IL1RAPL2: variants seen among roughly 807,000 people sequenced by gnomAD.
IL1RAPL2 encodes the protein interleukin 1 receptor accessory protein like 2, also known as X-linked interleukin-1 receptor accessory protein-like 2.
In IL1RAPL2, 3 loss-of-function variants were observed where a neutral mutation model predicts 44.1. The ratio of observed to expected loss-of-function variants is 0.07; its 90% CI spans 0.03 to 0.18. The LOEUF is 0.18. IL1RAPL2 is among the 10% of genes least tolerant of loss of function. IL1RAPL2 has a pLI of 1.00. For missense variants in IL1RAPL2, 391 were observed against 496.4 expected, an observed-to-expected ratio of 0.79 and a Z score of 2.02; for synonymous variants, 181 against 178.8, an observed-to-expected ratio of 1.01 and a Z score of -0.10.
intron 6 of IL1RAPL2, among the ~76,000 whole-genome samples, chrX:105,491,339 C>G (rs975225121): frequency 9.0e-6 from 1 of 111,437 alleles, no homozygotes; most frequent in African/African-American, 3.3e-5. Flanking sequence ...ATTGTTAATG[C>G]AAATAGTAAT....
intron 5 of IL1RAPL2, among the ~76,000 whole-genome samples, chrX:105,275,289 C>G (rs1445511482): frequency 9.0e-6 from 1 of 110,992 alleles, no homozygotes; most frequent in Non-Finnish European, 1.9e-5. Flanking sequence ...ATATTCCCAG[C>G]CCCCAAAGCA....
At chrX:104,929,522 C>T (rs753084921) in intron 2 of IL1RAPL2, among the ~76,000 whole-genome samples, 1 of 111,785 alleles carries the variant, frequency 8.9e-6, no homozygotes, top group East Asian at 2.8e-4. Flanking sequence ...CCTCAAGTGT[C>T]ACTTGAGCAG....
chrX:104,983,614 A>T, intron 2 of IL1RAPL2, among the ~76,000 whole-genome samples: 1 of 38,303 alleles, frequency 2.6e-5, no homozygotes, highest in South Asian at 7.4e-4. Flanking sequence ...AATATATAAT[A>T]TTATATTATA....
At chrX:105,434,503 C>T (rs2035868189) in intron 5 of IL1RAPL2, among the ~76,000 whole-genome samples, 1 of 112,257 alleles carries the variant, frequency 8.9e-6, no homozygotes, top group African/African-American at 3.2e-5. Flanking sequence ...TGCATCCACA[C>T]AATGAAGTGC....
intron 6 of IL1RAPL2, among the ~76,000 whole-genome samples, chrX:105,570,131 C>T (rs775249034): frequency 5.9e-4 from 66 of 111,159 alleles, no homozygotes; most frequent in African/African-American, 2.1e-3. Context: ...TCCCACCTTC[C>T]CCTGAGTCCC....
At chrX:105,682,831 G>A (rs755868685) in intron 6 of IL1RAPL2, among the ~76,000 whole-genome samples, 11 of 112,194 alleles carry the variant, frequency 9.8e-5, no homozygotes, top group African/African-American at 3.5e-4. Context: ...GGTAATTTTA[G>A]TTGTAAAAGA....
At chrX:105,299,450 G>C (rs376206102) in intron 5 of IL1RAPL2, among the ~76,000 whole-genome samples, 1 of 111,297 alleles carries the variant, frequency 9.0e-6, no homozygotes, top group East Asian at 2.8e-4. Context: ...GAAGTGTGGA[G>C]ATCATTGATT....
intron 5 of IL1RAPL2, chrX:105,406,735 G>A (rs2035648021): frequency 1.7e-6 from 2 of 1,199,652 alleles, no homozygotes; most frequent in African/African-American, 1.7e-5. Flanking sequence ...TAATGCAGAA[G>A]GAGCATCCCT....
At chrX:105,574,046 A>G (rs1211411319) in intron 6 of IL1RAPL2, among the ~76,000 whole-genome samples, 1 of 111,380 alleles carries the variant, frequency 9.0e-6, no homozygotes, top group African/African-American at 3.3e-5. Flanking sequence ...AAAGAAAACA[A>G]GTTAGAATCA....
chrX:105,438,406 A>T (rs1478078735), intron 5 of IL1RAPL2, among the ~76,000 whole-genome samples: 2 of 108,131 alleles, frequency 1.8e-5, no homozygotes, highest in Non-Finnish European at 3.8e-5. Context: ...ATCAGGAGGG[A>T]AATAGTAGAA....
At chrX:105,663,683 T>C (rs2037736649) in intron 6 of IL1RAPL2, among the ~76,000 whole-genome samples, 1 of 111,593 alleles carries the variant, frequency 9.0e-6, no homozygotes. Context: ...GATAATACCA[T>C]GAGAACCCAT....
At chrX:105,181,907 A>C in intron 2 of IL1RAPL2, among the ~76,000 whole-genome samples, 1 of 109,104 alleles carries the variant, frequency 9.2e-6, no homozygotes, top group Non-Finnish European at 1.9e-5. Context: ...TACTAAAAAT[A>C]GAAAAAAAAA....
chrX:105,412,318 A>G (rs1389021415), intron 5 of IL1RAPL2, among the ~76,000 whole-genome samples: 29 of 73,042 alleles, frequency 4.0e-4, no homozygotes, highest in South Asian at 4.8e-4. Context: ...ATATATATAT[A>G]TATATATATA....
At chrX:105,217,668 C>T (rs1234732753) in intron 3 of IL1RAPL2, among the ~76,000 whole-genome samples, 2 of 112,141 alleles carry the variant, frequency 1.8e-5, no homozygotes, top group Admixed American at 1.9e-4. Context: ...TATTGCGGCA[C>T]TATTCACAAT....
intron 6 of IL1RAPL2, among the ~76,000 whole-genome samples, chrX:105,594,932 G>A (rs940661554): frequency 9.0e-6 from 1 of 111,304 alleles, no homozygotes; most frequent in Non-Finnish European, 1.9e-5. Context: ...TACCTAAAGG[G>A]TACTATGCTC....
intron 2 of IL1RAPL2, among the ~76,000 whole-genome samples, chrX:104,832,196 C>CA (rs981955295): frequency 1.8e-5 from 2 of 111,196 alleles, no homozygotes; most frequent in Non-Finnish European, 3.8e-5. Context: ...TCCTGCCAGG[C>CA]AAAAAAGGTT....
intron 6 of IL1RAPL2, among the ~76,000 whole-genome samples, chrX:105,680,984 A>AAG (rs2037920461): frequency 8.9e-6 from 1 of 112,001 alleles, no homozygotes; most frequent in South Asian, 3.7e-4. Flanking sequence ...GATTAGACAA[A>AAG]AGAGTATGAC....
chrX:105,043,566 GAAAA>G (rs34802100), intron 2 of IL1RAPL2, among the ~76,000 whole-genome samples: 35 of 65,313 alleles, frequency 5.4e-4, no homozygotes, highest in African/African-American at 1.7e-3. Flanking sequence ...TCTCAAAGCA[GAAAA>G]AAAAAAAAAA....
chrX:105,444,823 A>G (rs1185182867), intron 5 of IL1RAPL2, among the ~76,000 whole-genome samples: 1 of 110,616 alleles, frequency 9.0e-6, no homozygotes, highest in Non-Finnish European at 1.9e-5. Flanking sequence ...TTTTTGCATC[A>G]ATATTTATCA....
Sources: allele counts gnomAD v4.1 joint callset (sites outside exome capture counted in the v4.1 genomes callset), GRCh38; gene constraint gnomAD v4.1.1; transcripts MANE v1.5; gene names NCBI Gene and HGNC (gene_info 2026-07-23, HGNC 2026-07-21).